The following AUTS2 variants were observed in gnomAD, a reference collection of about 807,000 sequenced individuals.
AUTS2 encodes activator of transcription and developmental regulator AUTS2.
Under a neutral mutation model 112.4 loss-of-function variants are expected in AUTS2, and 17 were observed. That is an observed-to-expected ratio of 0.15 (90% CI 0.10 to 0.23). AUTS2 has a LOEUF of 0.23. Ranked by LOEUF, AUTS2 falls within the 10% of genes least tolerant of loss-of-function variation. AUTS2 has a pLI of 1.00. For missense variants in AUTS2, 1,510 were observed against 1,701.6 expected (o/e 0.89, Z 1.98); for synonymous variants, 751 against 702.7 (o/e 1.07, Z -1.09).
At position 70,694,675 on chromosome 7, in the gene AUTS2, A is replaced by G. The variant is rs1164590251; in HGVS notation, c.691-3894A>G. 6.8e-6 allele frequency: 1 copy of G among 146,732 alleles called. No homozygotes were observed. The highest frequency in any genetic ancestry group is 2.5e-5 in the African/African-American group (1 of 40,544). 9.1% of individuals were successfully genotyped at this position (146,732 alleles called of 1,614,324 possible). A position where few individuals can be genotyped will look rare whatever the true frequency, so the allele number is the denominator to read the frequency against. On this transcript the variant is annotated intron_variant, in intron 5 of 18. Coordinates refer to ENST00000342771, the MANE Select transcript of AUTS2 (RefSeq NM_015570.4). This position sits in a 1 kb window ranked among gnomAD's most constrained non-coding sequence, Gnocchi z 4.1. ...GCGCCTTGTTAGCCCCCGCCGCGCC[A>G]GCGCGGCCCCGCGCGCCGCAGGAGC...
At chr7:70,190,249 C>CT (rs1273203542) in intron 4 of AUTS2, among the ~76,000 whole-genome samples, 1 of 152,102 alleles carries the variant, frequency 6.6e-6, no homozygotes, top group Non-Finnish European at 1.5e-5. Flanking sequence ...AAATTAAAAC[C>CT]TGTGCTAGGT....
At chr7:69,926,088 C>T (rs995458066) in intron 2 of AUTS2, among the ~76,000 whole-genome samples, 2 of 152,136 alleles carry the variant, frequency 1.3e-5, no homozygotes, top group East Asian at 3.8e-4. Context: ...TATGGTCTTT[C>T]TTTGTAGATG....
rs80019609 is a variant in AUTS2 at position 69,901,972 on chromosome 7, T to C, written c.522+2474T>C. On this transcript the variant is annotated intron_variant, in intron 2 of 18. Transcript: ENST00000342771. Reference sequence around the variant, plus strand: ...TTTATGAATAACACAAATACAGTGTTGTAAAGGTCTGTAAAGGAGTCTGTA... The same window carrying C: ...TTTATGAATAACACAAATACAGTGTCGTAAAGGTCTGTAAAGGAGTCTGTA... 2.9e-3 allele frequency among the ~76,000 whole-genome samples: 447 copies of C among 152,332 alleles called. 5 individuals are homozygous for C. The highest frequency in any genetic ancestry group is 0.01 in the African/African-American group (433 of 41,584).
chr7:70,762,837 C>A, intron 6 of AUTS2, 33 bp from the exon 7 acceptor site: 1 of 1,467,630 alleles, frequency 6.8e-7, no homozygotes, highest in African/African-American at 1.4e-5. Context: ...CATGTCATTG[C>A]CTGTGGTTTT....
intron 4 of AUTS2, among the ~76,000 whole-genome samples, chr7:70,197,172 T>C (rs1009701841): frequency 6.6e-6 from 1 of 152,166 alleles, no homozygotes; most frequent in Non-Finnish European, 1.5e-5. Context: ...AGCTGTTGGC[T>C]CTTGAACAAC....
intron 4 of AUTS2, among the ~76,000 whole-genome samples, chr7:70,289,848 A>T (rs7781727): frequency 0.3 from 46,206 of 152,090 alleles, 7,292 homozygotes; most frequent in African/African-American, 0.38. Context: ...GTATGTAAAC[A>T]CTTGTAGGGA....
At chr7:70,191,120 A>G (rs1296637561) in intron 4 of AUTS2, among the ~76,000 whole-genome samples, 1 of 150,362 alleles carries the variant, frequency 6.7e-6, no homozygotes, top group Non-Finnish European at 1.5e-5. Context: ...TAGCACAATG[A>G]CAGCTTACAT....
intron 3 of AUTS2, among the ~76,000 whole-genome samples, chr7:70,121,422 A>G (rs1452911048): frequency 6.6e-6 from 1 of 152,188 alleles, no homozygotes; most frequent in Admixed American, 6.5e-5. Context: ...CAAAATGGGG[A>G]AAAGATTTGC....
intron 1 of AUTS2, among the ~76,000 whole-genome samples, chr7:69,726,033 A>T (rs1786492675): frequency 6.6e-6 from 1 of 151,992 alleles, no homozygotes; most frequent in Admixed American, 6.6e-5. Context: ...TTACCTGGGG[A>T]TCTTTTTTTT....
chr7:70,086,207 C>A (rs9638581), intron 2 of AUTS2, among the ~76,000 whole-genome samples: 21,210 of 152,144 alleles, frequency 0.14, 2,171 homozygotes, highest in East Asian at 0.48. Context: ...TTCAAAAAGA[C>A]CTGCTGGGAT....
At position 69,731,074 on chromosome 7, in the gene AUTS2, T is replaced by A. The variant is rs375707736; in HGVS notation, c.309+131112T>A. Reference sequence around the variant, plus strand: ...ACTTTGGGAGGCCAAGGTGGGAGGATCACTTGAACCCGTTTGAGACCAGCC... The same window carrying A: ...ACTTTGGGAGGCCAAGGTGGGAGGAACACTTGAACCCGTTTGAGACCAGCC... On this transcript the variant is annotated intron_variant, in intron 1 of 18. Transcript: ENST00000342771. 1.9e-4 allele frequency among the ~76,000 whole-genome samples: 29 copies of A among 152,274 alleles called. No individual in the cohort carries two copies. In the East Asian group the frequency reaches 4.8e-3, roughly 25 times the overall value.
chr7:70,412,938 C>T (rs1447364217), intron 4 of AUTS2, among the ~76,000 whole-genome samples: 10 of 152,086 alleles, frequency 6.6e-5, no homozygotes, highest in South Asian at 2.1e-4. Flanking sequence ...TCGCAGGAGC[C>T]GAGATTGCAC....
At chr7:69,975,742 C>T (rs551495922) in intron 2 of AUTS2, among the ~76,000 whole-genome samples, 1 of 151,720 alleles carries the variant, frequency 6.6e-6, no homozygotes, top group South Asian at 2.1e-4. Context: ...GGCTGGAGTA[C>T]AGTGGCATGA....
chr7:70,093,040 A>G (rs1387219915), intron 2 of AUTS2, among the ~76,000 whole-genome samples: 2 of 152,318 alleles, frequency 1.3e-5, no homozygotes, highest in African/African-American at 2.4e-5. Flanking sequence ...GCTACGTTGT[A>G]TAAAGATTTT....
At chr7:70,788,856 C>T (rs1364450776) in intron 18 of AUTS2, among the ~76,000 whole-genome samples, 2 of 152,196 alleles carry the variant, frequency 1.3e-5, no homozygotes, top group African/African-American at 4.8e-5. Context: ...TGGCACCATC[C>T]GTAAGACCTG....
intron 2 of AUTS2, among the ~76,000 whole-genome samples, chr7:70,088,718 T>G (rs1482417040): frequency 1.3e-5 from 2 of 152,008 alleles, no homozygotes; most frequent in African/African-American, 4.8e-5. Context: ...GTTCAAGCGA[T>G]TCTCCTGCCT....
At chr7:69,706,959 C>A (rs1310985766) in intron 1 of AUTS2, among the ~76,000 whole-genome samples, 1 of 152,204 alleles carries the variant, frequency 6.6e-6, no homozygotes, top group African/African-American at 2.4e-5. Context: ...AGGAAACCAA[C>A]GTAAAAAGTA....
At chr7:69,676,713 C>G (rs879644355) in intron 1 of AUTS2, among the ~76,000 whole-genome samples, 6 of 152,102 alleles carry the variant, frequency 3.9e-5, no homozygotes, top group Non-Finnish European at 5.9e-5. Context: ...TTTCAGTATT[C>G]TGTGGAAATC....
intron 5 of AUTS2, chr7:70,596,913 T>G: frequency 6.6e-6 from 1 of 152,182 alleles, no homozygotes; most frequent in East Asian, 1.9e-4. Flanking sequence ...GGAAAATGAG[T>G]AGCAATTAGG....
Sources: allele counts gnomAD v4.1 joint callset (sites outside exome capture counted in the v4.1 genomes callset), GRCh38; gene constraint gnomAD v4.1.1; non-coding constraint Gnocchi (gnomAD v3.1); transcripts MANE v1.5; gene names NCBI Gene and HGNC (gene_info 2026-07-23, HGNC 2026-07-21).